CTCF: variants seen among roughly 807,000 people sequenced by gnomAD.
CTCF encodes the protein transcriptional repressor CTCF.
Under a neutral mutation model 72.3 loss-of-function variants are expected in CTCF, and 7 were observed. That is an observed-to-expected ratio of 0.10 (90% CI 0.06 to 0.18). The LOEUF (loss-of-function observed/expected upper bound fraction) is 0.18. Among genes scored for constraint, CTCF ranks in the 10% least tolerant of loss-of-function variants. The probability of loss-of-function intolerance (pLI) is 1.00; values close to 1 mark genes in which losing one functional copy is unlikely to be tolerated. For synonymous variants in CTCF, 374 were observed against 315.8 expected, an observed-to-expected ratio of 1.18 and a Z score of -1.95; for missense variants, 516 against 949.1, an observed-to-expected ratio of 0.54 and a Z score of 6.00.
chr16:67,625,609 A>G (rs1486916046), intron 7 of CTCF, among the ~76,000 whole-genome samples: 1 of 152,174 alleles, frequency 6.6e-6, no homozygotes, highest in Non-Finnish European at 1.5e-5. Context: ...TCTTTGTGGC[A>G]TTGGTGGTAC....
At chr16:67,578,654 A>C (rs1210972223) in intron 2 of CTCF, among the ~76,000 whole-genome samples, 2 of 151,888 alleles carry the variant, frequency 1.3e-5, no homozygotes, top group Non-Finnish European at 2.9e-5. Context: ...TCTTTTTAAA[A>C]AAGCACAAAT....
chr16:67,595,986 T>A (rs2051809134), intron 2 of CTCF, among the ~76,000 whole-genome samples: 1 of 151,736 alleles, frequency 6.6e-6, no homozygotes, highest in African/African-American at 2.4e-5. Flanking sequence ...ACAGAGTCTC[T>A]CTCTGTAGCC....
intron 10 of CTCF, among the ~76,000 whole-genome samples, chr16:67,636,282 A>G (rs1350863410): frequency 6.6e-6 from 1 of 152,040 alleles, no homozygotes; most frequent in Non-Finnish European, 1.5e-5. Context: ...AGGCTGAGAC[A>G]GGAGAATTAA....
At chr16:67,614,373 T>A (rs956843927) in intron 4 of CTCF, 1 of 149,198 alleles carries the variant, frequency 6.7e-6, no homozygotes, top group African/African-American at 2.5e-5. Context: ...AAAAAAGATG[T>A]TGTAGCAATT....
At chr16:67,570,460 T>G (rs371279111) in intron 1 of CTCF, among the ~76,000 whole-genome samples, 16 of 151,134 alleles carry the variant, frequency 1.1e-4, no homozygotes, top group East Asian at 5.9e-4. Context: ...GTTTTGTTTT[T>G]TTTTTTGAGA....
intron 10 of CTCF, among the ~76,000 whole-genome samples, chr16:67,631,169 T>TG (rs2052359325): frequency 1.5e-5 from 2 of 137,428 alleles, no homozygotes; most frequent in African/African-American, 5.6e-5. Flanking sequence ...TTTTTTGTTT[T>TG]TTGTTTTTTT....
chr16:67,616,526 A>T (rs1221123754), intron 4 of CTCF: 5 of 512,244 alleles, frequency 9.8e-6, no homozygotes, highest in Non-Finnish European at 1.7e-5. Context: ...TAATTAAGAG[A>T]AACTAATTTG....
chr16:67,604,730 G>GTTTTTTTTTTTTTTTTTTTTTTTTTTT (rs533827293), intron 2 of CTCF, among the ~76,000 whole-genome samples: 4 of 123,748 alleles, frequency 3.2e-5, no homozygotes, highest in South Asian at 2.5e-4. Context: ...TTTCACCAGG[G>GTTTTTTTTTTTTTTTTTTTTTTTTTTT]TTTTTTTTTT....
At chr16:67,586,412 C>G (rs2051669249) in intron 2 of CTCF, among the ~76,000 whole-genome samples, 1 of 152,060 alleles carries the variant, frequency 6.6e-6, no homozygotes, top group Non-Finnish European at 1.5e-5. Context: ...TGGCAGGCGC[C>G]TGTAATCCCA....
In CTCF at chr16:67,585,580, T is replaced by A. The variant is rs566231955; in HGVS notation, c.-10+14316T>A. Among the ~76,000 whole-genome samples the A allele has an allele frequency of 2.0e-5, 3 of 152,346 alleles. No individual in the cohort carries two copies. The South Asian group carries it at 6.2e-4, about 32-fold the overall frequency. ...AACAGAACATCCTTACAGGCAGTAT[T>A]GGTTAGCACTTCTGTTTTTAATGTA... On this transcript the variant is annotated intron_variant, in intron 2 of 11. Transcript: ENST00000264010.
chr16:67,606,963 A>T (rs547524503), intron 2 of CTCF, among the ~76,000 whole-genome samples: 2 of 151,534 alleles, frequency 1.3e-5, no homozygotes, highest in African/African-American at 2.4e-5. Flanking sequence ...AATTATTATT[A>T]TTTTTTTGAG....
chr16:67,629,313 A>G (rs2052331844), intron 9 of CTCF, 85 bp from the exon 10 acceptor site: 2 of 1,334,226 alleles, frequency 1.5e-6, no homozygotes, highest in South Asian at 1.4e-5. Flanking sequence ...TTTAGGCTTA[A>G]TATGGATTTT....
intron 2 of CTCF, among the ~76,000 whole-genome samples, chr16:67,592,497 G>C (rs576006314): frequency 6.6e-6 from 1 of 152,082 alleles, no homozygotes; most frequent in African/African-American, 2.4e-5. Flanking sequence ...CCAGAGCTCA[G>C]AAGTTTGAGA....
At chr16:67,619,328 C>A (rs1388727634) in intron 5 of CTCF, among the ~76,000 whole-genome samples, 1 of 151,916 alleles carries the variant, frequency 6.6e-6, no homozygotes, top group South Asian at 2.1e-4. Context: ...CTCAGCTACT[C>A]GGGAGGCTGA....
At chr16:67,632,338 T>G (rs1455417624) in intron 10 of CTCF, among the ~76,000 whole-genome samples, 1 of 152,176 alleles carries the variant, frequency 6.6e-6, no homozygotes, top group East Asian at 1.9e-4. Context: ...GCATCTTTAG[T>G]CAAAAGAGAT....
chr16:67,619,566 C>G (rs2052175658), intron 5 of CTCF, among the ~76,000 whole-genome samples: 1 of 152,018 alleles, frequency 6.6e-6, no homozygotes, highest in Non-Finnish European at 1.5e-5. Context: ...AGTGAATGTT[C>G]AAAACGCTTT....
chr16:67,617,901 A>G (rs2052153366), intron 5 of CTCF, among the ~76,000 whole-genome samples: 2 of 152,220 alleles, frequency 1.3e-5, no homozygotes, highest in African/African-American at 2.4e-5. Context: ...AGCCAACCTA[A>G]TTTAGTAATA....
intron 2 of CTCF, among the ~76,000 whole-genome samples, chr16:67,596,078 C>T (rs1417730431): frequency 6.6e-6 from 1 of 151,968 alleles, no homozygotes; most frequent in Non-Finnish European, 1.5e-5. Flanking sequence ...CTCAGCCTCC[C>T]GAGTAGCTGG....
chr16:67,626,610 C>T lies in CTCF; in HGVS notation c.1413C>T (p.Tyr471=), dbSNP rs2142862506. 4 of 1,568,432 alleles carry T rather than the reference C, an allele frequency of 2.6e-6. No individual in the cohort carries two copies. The highest frequency in any genetic ancestry group is 3.5e-6 in the Non-Finnish European group (4 of 1,156,814). The stretch of plus-strand genomic sequence containing the variant: ...TTGAGCAAGGCAAGAAATGCCGTTA[C>T]TGTGATGCTGTGTTTCATGAGCGCT... The part of the protein sequence containing the change: ...SYIEQGKKCR[Y]CDAVFHERYA... The change falls in exon 8 of 12, where the codon TAC becomes TAT. Residue 471 remains tyrosine, a synonymous_variant. Transcript: ENST00000264010.
Sources: gnomAD v4.1 joint callset for allele counts (sites outside exome capture counted in the v4.1 genomes callset) on GRCh38, gnomAD v4.1.1 for gene constraint, MANE v1.5 for transcripts, NCBI Gene and HGNC (gene_info 2026-07-23, HGNC 2026-07-21) for gene names.